The following CNIH4 variants were observed in gnomAD, a reference collection of about 807,000 sequenced individuals.
CNIH4 encodes the protein protein cornichon homolog 4.
A neutral mutation model predicts 21.5 loss-of-function variants in CNIH4; 9 were observed. That is an observed-to-expected ratio of 0.42 (90% CI 0.25 to 0.73). The LOEUF (loss-of-function observed/expected upper bound fraction) is 0.73. Among genes scored for constraint, CNIH4 ranks in the 30% least tolerant of loss-of-function variants. CNIH4 has a pLI of 0.27. For missense variants in CNIH4, 159 were observed against 170.0 expected, an observed-to-expected ratio of 0.94 and a Z score of 0.36; for synonymous variants, 67 against 59.1, an observed-to-expected ratio of 1.13 and a Z score of -0.61.
rs933089393 is a variant in CNIH4 at position 224,376,439 on chromosome 1, A to C, written c.*617A>C. 3.0e-6 allele frequency: 3 copies of C among 983,676 alleles called. No homozygotes were observed. Among genetic ancestry groups the C allele is most frequent in the Non-Finnish European group, 3.6e-6 (3 of 829,888 alleles). The allele number at this position is 983,676 out of a possible 1,614,324, so 60.9% of individuals were successfully genotyped here. On this transcript the variant is annotated 3_prime_UTR_variant, in exon 5 of 5. Transcript: ENST00000465271. Reference sequence around the variant, plus strand: ...GTACAATGTAGTTCCTGCTGATAGAAAGGAAATATTTTGTCAAGAGCTTTC... The same window carrying C: ...GTACAATGTAGTTCCTGCTGATAGACAGGAAATATTTTGTCAAGAGCTTTC...
chr1:224,365,868 T>C lies in CNIH4; in HGVS notation c.139-11T>C, dbSNP rs1244566558. On this transcript the variant is annotated splice_polypyrimidine_tract_variant and intron_variant, in intron 2 of 4. Coordinates refer to ENST00000465271, the MANE Select transcript of CNIH4 (RefSeq NM_014184.4). ...AGCAGTGAGATGTAATACTGTGTTC[T>C]TCCATTGCAGTGGGTAATTCCAGAA... The C allele has an allele frequency of 6.7e-7, 1 of 1,484,102 alleles. No individual in the cohort carries two copies. Among genetic ancestry groups the C allele is most frequent in the Admixed American group, 1.7e-5 (1 of 59,856 alleles). The allele number at this position is 1,484,102 out of a possible 1,614,324, so 91.9% of individuals were successfully genotyped here.
Position 224,376,624 on chromosome 1 carries a change from C to T in CNIH4, c.*802C>T. 1.0e-6 allele frequency: 1 copy of T among 985,360 alleles called. No homozygotes were observed. Among genetic ancestry groups the T allele is most frequent in the Non-Finnish European group, 1.2e-6 (1 of 829,930 alleles). 61.0% of individuals were successfully genotyped at this position (985,360 alleles called of 1,614,324 possible). ...TAGAAGATGCTAATCAGATTAGAAG[C>T]AGGAATAGTTATTTGCTGTCTGTGA... is the stretch of plus-strand genomic sequence containing the variant. On this transcript the variant is annotated 3_prime_UTR_variant, in exon 5 of 5. Transcript: ENST00000465271.
Position 224,375,802 on chromosome 1 carries a change from T to G in CNIH4, c.400T>G (p.Leu134Val), listed in dbSNP as rs142255919. The G allele has an allele frequency of 4.9e-4, 785 of 1,614,032 alleles. 3 individuals carry two copies. Among genetic ancestry groups the G allele is most frequent in the Non-Finnish European group, 6.5e-4 (763 of 1,180,010 alleles). Reference protein sequence around the residue: ...CFFMYLYSMILALIND With the variant: ...CFFMYLYSMIVALIND ...CATTTCTTCTTTCCACAGTATGATCTTAGCTTTGATAAATGACTGAAGCTG... is the reference window on the plus strand; with the variant it reads ...CATTTCTTCTTTCCACAGTATGATCGTAGCTTTGATAAATGACTGAAGCTG... The change falls in exon 5 of 5, where the codon TTA (leucine) becomes GTA (valine). Residue 134 changes from leucine to valine, a missense_variant. By Grantham distance (32) the Leu-to-Val change is conservative. Coordinates refer to ENST00000465271, the MANE Select transcript of CNIH4 (RefSeq NM_014184.4).
At chr1:224,364,153 C>G (rs1672381541) in intron 2 of CNIH4, 1 of 981,124 alleles carries the variant, frequency 1.0e-6, no homozygotes, top group Non-Finnish European at 1.2e-6. Flanking sequence ...TTTGGGAGGC[C>G]GAGGAGGGAG....
chr1:224,369,534 C>G (rs1039090593), intron 3 of CNIH4, among the ~76,000 whole-genome samples: 5 of 151,820 alleles, frequency 3.3e-5, no homozygotes, highest in Non-Finnish European at 7.4e-5. Flanking sequence ...CGAGATCTTG[C>G]CACTACACTC....
At position 224,376,017 on chromosome 1, in the gene CNIH4, T is replaced by C. The variant is rs924536351; in HGVS notation, c.*195T>C. 2 of 1,288,008 alleles carry C rather than the reference T, an allele frequency of 1.6e-6. No homozygotes were observed. Among genetic ancestry groups the C allele is most frequent in the African/African-American group, 3.0e-5 (2 of 66,222 alleles). 79.8% of individuals were successfully genotyped at this position (1,288,008 alleles called of 1,614,324 possible). Reference sequence around the variant, plus strand: ...AATTGAGTTTCTGTAGATTTCTAGTTCTCAACTTTAGCCTGAACGCCAACA... The same window carrying C: ...AATTGAGTTTCTGTAGATTTCTAGTCCTCAACTTTAGCCTGAACGCCAACA... On this transcript the variant is annotated 3_prime_UTR_variant, in exon 5 of 5. Coordinates refer to ENST00000465271, the MANE Select transcript of CNIH4 (RefSeq NM_014184.4).
Position 224,376,887 on chromosome 1 carries a change from C to T in CNIH4, c.*1065C>T. The T allele has an allele frequency of 1.0e-6, 1 of 985,388 alleles. No homozygotes were observed. The highest frequency in any genetic ancestry group is 1.2e-6 in the Non-Finnish European group (1 of 829,932). The allele number at this position is 985,388 out of a possible 1,614,324, so 61.0% of individuals were successfully genotyped here. On this transcript the variant is annotated 3_prime_UTR_variant, in exon 5 of 5. Coordinates refer to ENST00000465271, the MANE Select transcript of CNIH4 (RefSeq NM_014184.4). ...ATAAACCTGGCAATTTATCCTCAGT[C>T]CTAGTTTGTGGTTTAATGTTGCTAT...
intron 3 of CNIH4, 138 bp from the exon 4 acceptor site, chr1:224,371,145 G>A: frequency 1.2e-6 from 1 of 837,932 alleles, no homozygotes; most frequent in Non-Finnish European, 1.8e-6. Context: ...CCAAAGTGCT[G>A]GGATTACCGG....
Position 224,379,382 on chromosome 1 carries a change from CCTT to C in CNIH4, c.*3563_*3565del. 1 of 426,102 alleles carries C rather than the reference CCTT, an allele frequency of 2.3e-6. No individual in the cohort carries two copies. 26.4% of individuals were successfully genotyped at this position (426,102 alleles called of 1,614,324 possible). The stretch of plus-strand genomic sequence containing the variant: ...TGCCCATTCATATTTGTATCTTCTT[CCTT>C]CTGCTCTTGGCACCTAACACAGTGC... On this transcript the variant is annotated 3_prime_UTR_variant, in exon 5 of 5. Coordinates refer to ENST00000465271, the MANE Select transcript of CNIH4 (RefSeq NM_014184.4).
intron 4 of CNIH4, among the ~76,000 whole-genome samples, chr1:224,375,078 G>A (rs1194156129): frequency 6.6e-6 from 1 of 152,214 alleles, no homozygotes; most frequent in East Asian, 1.9e-4. Context: ...GGTGACTGCT[G>A]TGTGTCAGAC....
chr1:224,364,814 T>C (rs1429503330), intron 2 of CNIH4, among the ~76,000 whole-genome samples: 1 of 151,800 alleles, frequency 6.6e-6, no homozygotes, highest in Non-Finnish European at 1.5e-5. Context: ...GCGCCTGTAG[T>C]CCCAGCTACT....
rs561919009 is a variant in CNIH4 at position 224,376,064 on chromosome 1, C to T, written c.*242C>T. ...AACACTTGAAGGTGTTTTTCATCCTCTGTATGTTGAAGGTGGTTATTTGTA... is the reference window on the plus strand; with the variant it reads ...AACACTTGAAGGTGTTTTTCATCCTTTGTATGTTGAAGGTGGTTATTTGTA... On this transcript the variant is annotated 3_prime_UTR_variant, in exon 5 of 5. Coordinates refer to ENST00000465271, the MANE Select transcript of CNIH4 (RefSeq NM_014184.4). The T allele has an allele frequency of 9.9e-6, 12 of 1,215,846 alleles. No homozygotes were observed. The highest frequency in any genetic ancestry group is 7.8e-5 in the African/African-American group (5 of 64,452). 75.3% of individuals were successfully genotyped at this position (1,215,846 alleles called of 1,614,324 possible).
At chr1:224,364,371 A>G (rs1672388940) in intron 2 of CNIH4, 29 of 985,330 alleles carry the variant, frequency 2.9e-5, no homozygotes, top group Non-Finnish European at 3.4e-5. Context: ...GTATTAGTAT[A>G]ACATCAGCTG....
At chr1:224,373,839 AAAAAT>A (rs1460816661) in intron 4 of CNIH4, among the ~76,000 whole-genome samples, 1 of 151,084 alleles carries the variant, frequency 6.6e-6, no homozygotes, top group Non-Finnish European at 1.5e-5. Context: ...AAAAAAAAGA[AAAAAT>A]AAAGTGGTGG....
chr1:224,374,351 G>C (rs967911834), intron 4 of CNIH4, among the ~76,000 whole-genome samples: 2 of 152,102 alleles, frequency 1.3e-5, no homozygotes, highest in South Asian at 2.1e-4. Context: ...TTTTGATTGG[G>C]TGCTAGCCTA....
At chr1:224,361,791 C>T (rs1672296038) in intron 2 of CNIH4, among the ~76,000 whole-genome samples, 1 of 151,624 alleles carries the variant, frequency 6.6e-6, no homozygotes, top group Admixed American at 6.6e-5. Context: ...CACTATGTTG[C>T]CCAGGCTGGT....
intron 2 of CNIH4, 56 bp from the exon 3 acceptor site, chr1:224,365,821 CAT>C (rs1672434289): frequency 3.0e-6 from 3 of 995,472 alleles, no homozygotes; most frequent in African/African-American, 1.6e-5. Flanking sequence ...TTTCAAATAA[CAT>C]GTACAGTCAG....
rs530763624 is a variant in CNIH4, at chr1:224,376,127, A to T, written c.*305A>T. ...ACTGCCATCCCAGCTTTGCATGCCA[A>T]AGAAATAAAGAACACACTTTAAAGG... On this transcript the variant is annotated 3_prime_UTR_variant, in exon 5 of 5. Transcript: ENST00000465271. 392 of 1,091,158 alleles carry T rather than the reference A, an allele frequency of 3.6e-4. No homozygotes were observed. The highest frequency in any genetic ancestry group is 4.1e-4 in the Non-Finnish European group (369 of 897,992). The allele number at this position is 1,091,158 out of a possible 1,614,324, so 67.6% of individuals were successfully genotyped here. A position where few individuals can be genotyped will look rare whatever the true frequency, so the allele number is the denominator to read the frequency against.
chr1:224,366,359 C>CTT (rs917433059), intron 3 of CNIH4, among the ~76,000 whole-genome samples: 1 of 143,252 alleles, frequency 7.0e-6, no homozygotes, highest in Admixed American at 7.0e-5. Flanking sequence ...AGCTTTTTTT[C>CTT]TTTTTTTTTG....
Sources: allele counts gnomAD v4.1 joint callset (sites outside exome capture counted in the v4.1 genomes callset), GRCh38; gene constraint gnomAD v4.1.1; transcripts MANE v1.5; gene names NCBI Gene and HGNC (gene_info 2026-07-23, HGNC 2026-07-21).